RNF213: variants seen among roughly 807,000 people sequenced by gnomAD.
The protein encoded by RNF213 is E3 ubiquitin-protein ligase RNF213.
In RNF213, 341 loss-of-function variants were observed where a neutral mutation model predicts 514.4. The observed-to-expected ratio is 0.66, with a 90% CI of 0.61 to 0.73. The LOEUF is 0.73. RNF213 is among the 30% of genes least tolerant of loss of function. The pLI, the probability that RNF213 is intolerant of heterozygous loss-of-function variation, is 0.00. For missense variants in RNF213, 5,767 were observed against 6,615.6 expected (o/e 0.87, Z 4.45); for synonymous variants, 2,655 against 2,658.2 (o/e 1.00, Z 0.04).
rs2045981401 is a variant in RNF213 at position 80,317,343 on chromosome 17, G to C, written c.2901+66G>C. On this transcript the variant is annotated intron_variant, in intron 16 of 67. Coordinates refer to ENST00000582970, the MANE Select transcript of RNF213 (RefSeq NM_001256071.3). This position sits in a 1 kb window ranked among gnomAD's most constrained non-coding sequence, Gnocchi z 4.1. ...CAAGCTGGAGAACCCCAGACCATTA[G>C]CGACAGCCAAGAGATCTCAGCAGTG... 2.1e-6 allele frequency: 3 copies of C among 1,441,318 alleles called. No individual in the cohort carries two copies. Among genetic ancestry groups the C allele is most frequent in the Non-Finnish European group, 2.9e-6 (3 of 1,036,084 alleles). The allele number at this position is 1,441,318 out of a possible 1,614,324, so 89.3% of individuals were successfully genotyped here.
intron 41 of RNF213, 138 bp downstream of exon 41, chr17:80,363,928 G>T: frequency 1.2e-6 from 1 of 861,612 alleles, no homozygotes; most frequent in Non-Finnish European, 1.9e-6. Context: ...CGTTCACTCC[G>T]CATTTGCCGA....
At position 80,375,550 on chromosome 17, in the gene RNF213, AAAAG is replaced by A. The variant is rs1439349881; in HGVS notation, c.13075-207_13075-204del. ...CCCCGTGTCTACTAAAAGAAAAAAA[AAAAG>A]AATTAGCCGGACATGGTTGCGTGTG... On this transcript the variant is annotated intron_variant, in intron 50 of 67. Coordinates refer to ENST00000582970, the MANE Select transcript of RNF213 (RefSeq NM_001256071.3). Among the ~76,000 whole-genome samples the A allele has an allele frequency of 4.6e-5, 7 of 151,062 alleles. No homozygotes were observed. In the East Asian group the frequency reaches 1.0e-3, roughly 22 times the overall value.
chr17:80,290,258 T>A (rs1042218715), intron 6 of RNF213, among the ~76,000 whole-genome samples: 1 of 152,224 alleles, frequency 6.6e-6, no homozygotes, highest in African/African-American at 2.4e-5. Flanking sequence ...GGTGTGATAA[T>A]GTGCATTACG....
At chr17:80,329,676 A>G (rs1258995133) in intron 20 of RNF213, among the ~76,000 whole-genome samples, 2 of 152,084 alleles carry the variant, frequency 1.3e-5, no homozygotes, top group Non-Finnish European at 2.9e-5. Context: ...AAAAAATACA[A>G]AAAAATTAGC....
chr17:80,346,578 T>G lies in RNF213; in HGVS notation c.8243T>G (p.Leu2748Trp). ...LRKTIAKNLA[L>W]KENVFMMVVC... The stretch of plus-strand genomic sequence containing the variant: ...AAAACCATCGCCAAGAACTTGGCCT[T>G]GAAGGAGAACGTCTTCATGATGGTC... The change falls in exon 29 of 68, where the codon TTG becomes TGG. Residue 2748 changes from leucine (L) to tryptophan (W), a missense_variant. By Grantham distance (61) the Leu-to-Trp change is moderately conservative (BLOSUM62 -2). This residue lies in a region of RNF213 where 105 missense variants were observed against 183.9 expected (regional missense o/e 0.57). Transcript: ENST00000582970. This position sits in a 1 kb window ranked among gnomAD's most constrained non-coding sequence, Gnocchi z 8.1. The G allele has an allele frequency of 6.2e-7, 1 of 1,613,346 alleles. No homozygotes were observed. The highest frequency in any genetic ancestry group is 8.5e-7 in the Non-Finnish European group (1 of 1,180,024).
intron 2 of RNF213, among the ~76,000 whole-genome samples, chr17:80,267,842 C>G (rs547556838): frequency 1.4e-5 from 2 of 143,498 alleles, no homozygotes; most frequent in African/African-American, 5.4e-5. Context: ...TTTTTTGAGA[C>G]AGGGTCTTGG....
At chr17:80,268,986 G>A (rs1202236245) in intron 2 of RNF213, among the ~76,000 whole-genome samples, 1 of 152,180 alleles carries the variant, frequency 6.6e-6, no homozygotes, top group African/African-American at 2.4e-5. Flanking sequence ...AGATCCCCCT[G>A]GCAAACCACT....
Position 80,386,697 on chromosome 17 carries a change from G to A in RNF213, c.14728G>A (p.Val4910Met), listed in dbSNP as rs774043685. The A allele has an allele frequency of 4.3e-6, 7 of 1,614,178 alleles. No individual in the cohort carries two copies. Among genetic ancestry groups the A allele is most frequent in the Non-Finnish European group, 5.9e-6 (7 of 1,180,018 alleles). Reference sequence around the variant, plus strand: ...TGTCTTTCTGCCCCTCAGCTATTCCGTGGATGCCGCCGAGGTCACTGAACT... The same window carrying A: ...TGTCTTTCTGCCCCTCAGCTATTCCATGGATGCCGCCGAGGTCACTGAACT... ...KLSKENNSYS[V>M]DAAEVTELHV... The change falls in exon 63 of 68, where the codon GTG becomes ATG. Residue 4910 changes from valine (V) to methionine (M), a missense_variant. By Grantham distance (21) the Val-to-Met change is conservative. This residue lies in a region of RNF213 where 1,245 missense variants were observed against 1,339.0 expected (regional missense o/e 0.93). Transcript: ENST00000582970.
intron 63 of RNF213, among the ~76,000 whole-genome samples, chr17:80,387,991 G>A (rs553518869): frequency 5.2e-5 from 7 of 134,694 alleles, no homozygotes; most frequent in Non-Finnish European, 9.1e-5. Context: ...ACGGAGTCTC[G>A]CTCTGTCACC....
At chr17:80,307,778 G>C (rs1052616525) in intron 13 of RNF213, among the ~76,000 whole-genome samples, 6 of 151,184 alleles carry the variant, frequency 4.0e-5, no homozygotes, top group Non-Finnish European at 8.8e-5. Flanking sequence ...TTGAACTTCT[G>C]ACCTCAGGTG....
At chr17:80,310,500 G>A (rs554489925) in intron 14 of RNF213, among the ~76,000 whole-genome samples, 6 of 152,010 alleles carry the variant, frequency 3.9e-5, no homozygotes, top group African/African-American at 1.4e-4. Context: ...TGATCCACCT[G>A]CCTTGGCCTC....
Position 80,373,146 on chromosome 17 carries a change from A to C in RNF213, c.12923A>C (p.Lys4308Thr), listed in dbSNP as rs758777063. Reference protein sequence around the residue: ...PGRPHQWVFPKDVVKQQGLRQ... With the variant: ...PGRPHQWVFPTDVVKQQGLRQ... Reference sequence around the variant, plus strand: ...CGCCCGCACCAGTGGGTGTTTCCCAAGGACGTTGTCAAGCAGCAGGTGAGA... The same window carrying C: ...CGCCCGCACCAGTGGGTGTTTCCCACGGACGTTGTCAAGCAGCAGGTGAGA... The change falls in exon 49 of 68, where the codon AAG becomes ACG. Residue 4308 changes from lysine to threonine, a missense_variant. Coordinates refer to ENST00000582970, the MANE Select transcript of RNF213 (RefSeq NM_001256071.3). The C allele has an allele frequency of 1.2e-6, 2 of 1,611,974 alleles. No homozygotes were observed. Among genetic ancestry groups the C allele is most frequent in the South Asian group, 2.2e-5 (2 of 91,044 alleles).
intron 49 of RNF213, 45 bp downstream of exon 49, chr17:80,373,210 CCCCATACACCCCAAA>C (rs1441060693): frequency 6.4e-7 from 1 of 1,559,016 alleles, no homozygotes; most frequent in Admixed American, 1.7e-5. Flanking sequence ...ACCCCCACAG[CCCCATACACCCCAAA>C]CCCACACACC....
Position 80,346,058 on chromosome 17 carries a change from C to G in RNF213, c.7723C>G (p.Leu2575Val). 6.2e-7 allele frequency: 1 copy of G among 1,614,174 alleles called. No individual in the cohort carries two copies. Among genetic ancestry groups the G allele is most frequent in the Non-Finnish European group, 8.5e-7 (1 of 1,180,034 alleles). ...CCGGGTCCATGCTCTGCCCCCGAGCCTGATTCCTCTGGTGTGGGACTTTGG... is the reference window on the plus strand; with the variant it reads ...CCGGGTCCATGCTCTGCCCCCGAGCGTGATTCCTCTGGTGTGGGACTTTGG... Reference protein sequence around the residue: ...VYRVHALPPSLIPLVWDFGQL... With the variant: ...VYRVHALPPSVIPLVWDFGQL... Residue 2575 changes from leucine (L) to valine (V), a missense_variant, in exon 29 of 68, where the codon CTG becomes GTG. Physicochemically the swap from Leu to Val is conservative, Grantham distance 32. This residue lies in a region of RNF213 where 1,377 missense variants were observed against 1,635.2 expected (regional missense o/e 0.84). Transcript: ENST00000582970. This position sits in a 1 kb window ranked among gnomAD's most constrained non-coding sequence, Gnocchi z 8.1.
At chr17:80,388,172 G>A (rs2080315612) in intron 63 of RNF213, among the ~76,000 whole-genome samples, 1 of 152,228 alleles carries the variant, frequency 6.6e-6, no homozygotes, top group East Asian at 1.9e-4. Flanking sequence ...CACCATGTTA[G>A]CCAGGATGGT....
At chr17:80,361,961 C>T (rs1425207344) in intron 39 of RNF213, 73 bp downstream of exon 39, 24 of 1,528,394 alleles carry the variant, frequency 1.6e-5, no homozygotes, top group South Asian at 6.8e-5. Flanking sequence ...GACACGGAGA[C>T]GTTTCCTCAG....
chr17:80,343,286 GA>G lies in RNF213; in HGVS notation c.6146del (p.Lys2049ArgfsTer10). On this transcript the variant is annotated frameshift_variant, in exon 27 of 68. Transcript: ENST00000582970. LOFTEE classifies it high-confidence loss of function. This position sits in a 1 kb window ranked among gnomAD's most constrained non-coding sequence, Gnocchi z 4.3. ...TGCCCTTCCTGGATGCGCAGTATCA[GA>G]AGGTCCCCGTGCTCTTTCACCTGGA... ...LLPFLDAQYQ[K>X]VPVLFHLDVT... is the part of the protein sequence containing the mutation. 6.2e-7 allele frequency: 1 copy of G among 1,613,364 alleles called. No individual in the cohort carries two copies. Among genetic ancestry groups the G allele is most frequent in the Non-Finnish European group, 8.5e-7 (1 of 1,179,812 alleles).
At chr17:80,389,426 C>T (rs1039243832) in intron 65 of RNF213, 59 bp downstream of exon 65, 81 of 1,498,438 alleles carry the variant, frequency 5.4e-5, no homozygotes, top group Middle Eastern at 3.4e-4. Context: ...TCCTGCTTCC[C>T]GCGAGGGATA....
intron 15 of RNF213, among the ~76,000 whole-genome samples, chr17:80,313,756 A>T (rs1165289718): frequency 1.6e-4 from 14 of 85,120 alleles, no homozygotes; most frequent in African/African-American, 3.9e-4. Flanking sequence ...CTGGTGGTGG[A>T]GGTGGTGGAG....
Sources: allele counts gnomAD v4.1 joint callset (sites outside exome capture counted in the v4.1 genomes callset), GRCh38; gene constraint gnomAD v4.1.1; regional missense constraint gnomAD v4.1.1; non-coding constraint Gnocchi (gnomAD v3.1); transcripts MANE v1.5; gene names NCBI Gene and HGNC (gene_info 2026-07-23, HGNC 2026-07-21).